SCAPER: variants seen among roughly 807,000 people sequenced by gnomAD.
SCAPER encodes S-phase cyclin A associated protein in the ER, also known as S phase cyclin A-associated protein in the endoplasmic reticulum.
A neutral mutation model predicts 182.2 loss-of-function variants in SCAPER; 98 were observed. The ratio of observed to expected loss-of-function variants is 0.54; its 90% confidence interval spans 0.46 to 0.64. SCAPER has a LOEUF of 0.64. SCAPER is among the 30% of genes least tolerant of loss of function. The probability of loss-of-function intolerance (pLI) is 0.00; values close to 1 mark genes in which losing one functional copy is unlikely to be tolerated. For missense variants in SCAPER, 1,432 were observed against 1,690.0 expected (o/e 0.85, Z 2.68); for synonymous variants, 605 against 564.6 (o/e 1.07, Z -1.01).
chr15:76,692,690 A>G (rs74604013), intron 20 of SCAPER, among the ~76,000 whole-genome samples: 1 of 146,740 alleles, frequency 6.8e-6, no homozygotes, highest in Non-Finnish European at 1.5e-5. Context: ...TTCTGTTTCA[A>G]AAAAAGAAAA....
At chr15:76,735,099 A>G (rs1425848907) in intron 15 of SCAPER, among the ~76,000 whole-genome samples, 3 of 152,252 alleles carry the variant, frequency 2.0e-5, no homozygotes, top group East Asian at 1.9e-4. Flanking sequence ...TAATCCCAGC[A>G]CGTTAGGAGG....
At chr15:76,832,588 C>T (rs139820802) in intron 5 of SCAPER, among the ~76,000 whole-genome samples, 98 of 152,260 alleles carry the variant, frequency 6.4e-4, no homozygotes, top group African/African-American at 2.2e-3. Flanking sequence ...GTGTCTCCTC[C>T]CAAATCTCAA....
intron 24 of SCAPER, among the ~76,000 whole-genome samples, chr15:76,496,143 C>T (rs1323985957): frequency 2.0e-5 from 3 of 151,914 alleles, no homozygotes; most frequent in Admixed American, 2.0e-4. Context: ...CTTCTGAACA[C>T]CTTAACCTCA....
intron 22 of SCAPER, among the ~76,000 whole-genome samples, chr15:76,616,600 A>T (rs1320975905): frequency 6.6e-6 from 1 of 152,184 alleles, no homozygotes; most frequent in East Asian, 1.9e-4. Context: ...CTGTATTAAT[A>T]ATGAGTAAGA....
At chr15:76,610,937 C>A (rs2050922396) in intron 22 of SCAPER, among the ~76,000 whole-genome samples, 1 of 151,858 alleles carries the variant, frequency 6.6e-6, no homozygotes, top group Non-Finnish European at 1.5e-5. Context: ...ACAAATGGAA[C>A]AACAATACTC....
At chr15:76,490,250 G>C (rs1443645519) in intron 24 of SCAPER, among the ~76,000 whole-genome samples, 5 of 152,128 alleles carry the variant, frequency 3.3e-5, no homozygotes, top group Non-Finnish European at 5.9e-5. Context: ...CACCATTTTG[G>C]ATTCCAACGA....
At chr15:76,711,922 G>C (rs566281413) in intron 17 of SCAPER, among the ~76,000 whole-genome samples, 36 of 152,250 alleles carry the variant, frequency 2.4e-4, no homozygotes, top group Middle Eastern at 3.4e-3. Context: ...CTTTTGCTGT[G>C]CAGAAGGTCT....
chr15:76,452,640 G>C (rs919408182), intron 25 of SCAPER, among the ~76,000 whole-genome samples: 1 of 152,152 alleles, frequency 6.6e-6, no homozygotes, highest in Admixed American at 6.6e-5. Context: ...CCGTATTTCA[G>C]CTCCAAGAAA....
At chr15:76,570,043 T>A (rs1334942571) in intron 23 of SCAPER, among the ~76,000 whole-genome samples, 1 of 152,286 alleles carries the variant, frequency 6.6e-6, no homozygotes, top group East Asian at 1.9e-4. Flanking sequence ...TTTGTTGAGA[T>A]AATTTGAGAC....
At chr15:76,796,570 T>C (rs943225591) in intron 7 of SCAPER, among the ~76,000 whole-genome samples, 10 of 152,182 alleles carry the variant, frequency 6.6e-5, no homozygotes, top group African/African-American at 9.7e-5. Flanking sequence ...GCCAAAATTG[T>C]TCCTCAAGCT....
At chr15:76,693,959 A>G (rs1002019712) in intron 20 of SCAPER, among the ~76,000 whole-genome samples, 4 of 152,126 alleles carry the variant, frequency 2.6e-5, no homozygotes, top group African/African-American at 9.6e-5. Context: ...CTAAACTATA[A>G]TATATACTTA....
Position 76,434,248 on chromosome 15 carries a change from T to A in SCAPER, c.3141A>T (p.Glu1047Asp), listed in dbSNP as rs2047048131. The change falls in exon 26 of 32, where the codon GAA (glutamate) becomes GAT (aspartate). Residue 1047 changes from glutamate (E) to aspartate (D), a missense_variant. Glu to Asp is a conservative substitution (Grantham distance 45). Transcript: ENST00000563290. ...CTTTGAGAAGTCCAGTTGTCAAGCC[T>A]TCAAAAACTTGTTTATTTGTATTTC... is the stretch of plus-strand genomic sequence containing the variant. ...LGRNTNKQVF[E>D]GLTTGLLKVS... 3 of 1,613,772 alleles carry A rather than the reference T, an allele frequency of 1.9e-6. No individual in the cohort carries two copies. Among genetic ancestry groups the A allele is most frequent in the Non-Finnish European group, 1.7e-6 (2 of 1,179,798 alleles).
At position 76,604,124 on chromosome 15, in the gene SCAPER, C is replaced by T. The variant is rs1282165591; in HGVS notation, c.2711+17640G>A. ...CATGCCTATGTCCTGAATGGTATTG[C>T]CTAGGTTTTCTTCTAGGGTTTTTAT... is the stretch of plus-strand genomic sequence containing the variant. On this transcript the variant is annotated intron_variant, in intron 22 of 31. Transcript: ENST00000563290. Among the ~76,000 whole-genome samples the T allele has an allele frequency of 5.1e-4, 61 of 119,940 alleles. 20 individuals are homozygous for T. Among genetic ancestry groups the T allele is most frequent in the Non-Finnish European group, 1.1e-3 (53 of 49,480 alleles). 78.7% of individuals were successfully genotyped at this position (119,940 alleles called of 152,430 possible).
chr15:76,555,596 TCAGACAAAG>T (rs1422004599), intron 23 of SCAPER, among the ~76,000 whole-genome samples: 3 of 151,992 alleles, frequency 2.0e-5, no homozygotes, highest in Admixed American at 6.6e-5. Context: ...CTTTCTAATT[TCAGACAAAG>T]CAGAGTTTAA....
At chr15:76,651,265 G>C (rs2055013552) in intron 21 of SCAPER, among the ~76,000 whole-genome samples, 1 of 151,994 alleles carries the variant, frequency 6.6e-6, no homozygotes, top group Non-Finnish European at 1.5e-5. Flanking sequence ...GGGAACGAAG[G>C]AAGAAAAGAC....
chr15:76,701,267 T>C (rs2058934093), intron 20 of SCAPER, among the ~76,000 whole-genome samples: 1 of 152,180 alleles, frequency 6.6e-6, no homozygotes, highest in Non-Finnish European at 1.5e-5. Context: ...ATTCATAGAT[T>C]AGCTATATCA....
intron 1 of SCAPER, among the ~76,000 whole-genome samples, chr15:76,898,789 C>T (rs917211160): frequency 2.6e-5 from 4 of 152,144 alleles, no homozygotes; most frequent in African/African-American, 9.7e-5. Context: ...GCTGCTAATG[C>T]TTATGGGGTT....
At chr15:76,669,874 C>G (rs1598052968) in intron 20 of SCAPER, among the ~76,000 whole-genome samples, 2 of 152,108 alleles carry the variant, frequency 1.3e-5, no homozygotes, top group Admixed American at 6.6e-5. Flanking sequence ...TGTGAAAGAT[C>G]CAAATTATAC....
chr15:76,364,008 C>A (rs1461449677), intron 29 of SCAPER, among the ~76,000 whole-genome samples: 3 of 152,166 alleles, frequency 2.0e-5, no homozygotes, highest in African/African-American at 4.8e-5. Flanking sequence ...TGGCATGCCC[C>A]AAACACACAC....
Sources: gnomAD v4.1 joint callset for allele counts (sites outside exome capture counted in the v4.1 genomes callset) on GRCh38, gnomAD v4.1.1 for gene constraint, MANE v1.5 for transcripts, NCBI Gene and HGNC (gene_info 2026-07-23, HGNC 2026-07-21) for gene names.